YWHAE: variants seen among roughly 807,000 people sequenced by gnomAD.
YWHAE encodes 14-3-3 protein epsilon.
A neutral mutation model predicts 30.1 loss-of-function variants in YWHAE; 4 were observed. That is an observed-to-expected ratio of 0.13 (90% CI 0.07 to 0.30). The LOEUF is 0.30. YWHAE is among the 10% of genes least tolerant of loss of function. YWHAE has a pLI of 1.00. For synonymous variants in YWHAE, 118 were observed against 111.8 expected (o/e 1.06, Z -0.35); for missense variants, 121 against 315.9 (o/e 0.38, Z 4.68).
At position 1,379,762 on chromosome 17, in the gene YWHAE, T is replaced by C. The variant is rs563712996; in HGVS notation, c.65-14704A>G. Among the ~76,000 whole-genome samples the C allele has an allele frequency of 5.9e-5, 9 of 152,268 alleles. No individual in the cohort carries two copies. In the South Asian group the frequency reaches 1.2e-3, roughly 21 times the overall value. On this transcript the variant is annotated intron_variant, in intron 1 of 5. Coordinates refer to ENST00000264335, the MANE Select transcript of YWHAE (RefSeq NM_006761.5). ...AGGAAGGAGTACTTGAGGTAAACAG[T>C]TGGACAAGATTTAGGAAACACTCCT... is the stretch of plus-strand genomic sequence containing the variant.
intron 5 of YWHAE, among the ~76,000 whole-genome samples, chr17:1,346,202 G>A (rs184577946): frequency 5.8e-4 from 89 of 152,272 alleles, no homozygotes; most frequent in Middle Eastern, 3.4e-3. Context: ...ACTGCACTAT[G>A]ACATGCAACA....
chr17:1,356,455 A>G (rs2072744300), intron 4 of YWHAE, among the ~76,000 whole-genome samples: 1 of 152,218 alleles, frequency 6.6e-6, no homozygotes, highest in East Asian at 1.9e-4. Flanking sequence ...AATTTGAACT[A>G]ATCTCAATGG....
At chr17:1,376,369 ACAG>A (rs2073123536) in intron 1 of YWHAE, among the ~76,000 whole-genome samples, 1 of 150,904 alleles carries the variant, frequency 6.6e-6, no homozygotes, top group African/African-American at 2.4e-5. Context: ...AGACAGACAG[ACAG>A]ACAGAAAGAA....
At chr17:1,358,271 G>A (rs541797948) in intron 4 of YWHAE, among the ~76,000 whole-genome samples, 15 of 152,110 alleles carry the variant, frequency 9.9e-5, no homozygotes, top group South Asian at 4.1e-4. Flanking sequence ...ACGGAGTCTC[G>A]CTCTGTCGCC....
Position 1,344,937 on chromosome 17 carries a change from C to T in YWHAE, c.*510G>A, listed in dbSNP as rs1020113379. 2.1e-5 allele frequency: 5 copies of T among 233,546 alleles called. No individual in the cohort carries two copies. Among genetic ancestry groups the T allele is most frequent in the South Asian group, 1.8e-4 (1 of 5,536 alleles). 14.5% of individuals were successfully genotyped at this position (233,546 alleles called of 1,614,324 possible). On this transcript the variant is annotated 3_prime_UTR_variant, in exon 6 of 6. Transcript: ENST00000264335. ...ATTTTTTACAGCAAAACCATTACAA[C>T]GAAGTCCCTCCCCAAACCACCTTTA...
rs1267624916 is a variant in YWHAE at position 1,362,017 on chromosome 17, A to G, written c.265-9T>C. ...TTTAGCTCAGTCTCAACCTAAAAAA[A>G]AAAAAATTTTTTTTAAATCAGATTA... On this transcript the variant is annotated splice_polypyrimidine_tract_variant and intron_variant, in intron 2 of 5. Transcript: ENST00000264335. The G allele has an allele frequency of 1.3e-6, 2 of 1,536,924 alleles. No homozygotes were observed. The highest frequency in any genetic ancestry group is 1.4e-5 in the African/African-American group (1 of 70,896).
intron 4 of YWHAE, among the ~76,000 whole-genome samples, chr17:1,356,972 T>C (rs556252122): frequency 1.1e-4 from 15 of 140,212 alleles, no homozygotes; most frequent in African/African-American, 2.9e-4. Flanking sequence ...AAAAAACACA[T>C]ACAAAAACCA....
intron 5 of YWHAE, among the ~76,000 whole-genome samples, chr17:1,348,552 G>A (rs917289978): frequency 2.6e-5 from 4 of 152,140 alleles, no homozygotes; most frequent in African/African-American, 7.2e-5. Context: ...CTTTCATGAC[G>A]ATTCTCCTAT....
chr17:1,394,340 C>T (rs140550917), intron 1 of YWHAE, among the ~76,000 whole-genome samples: 1 of 146,208 alleles, frequency 6.8e-6, no homozygotes, highest in African/African-American at 2.5e-5. Flanking sequence ...AGGCCAGAAG[C>T]AGTGACTCAC....
chr17:1,360,049 G>A (rs1388349223), intron 4 of YWHAE, among the ~76,000 whole-genome samples: 1 of 151,920 alleles, frequency 6.6e-6, no homozygotes, highest in Non-Finnish European at 1.5e-5. Context: ...CGCAACCTCT[G>A]CCTCCTGGGT....
chr17:1,357,833 A>C (rs2072780808), intron 4 of YWHAE, among the ~76,000 whole-genome samples: 2 of 151,706 alleles, frequency 1.3e-5, no homozygotes, highest in South Asian at 4.2e-4. Flanking sequence ...AGGCTGAAGC[A>C]GGAGAATCGC....
intron 1 of YWHAE, among the ~76,000 whole-genome samples, chr17:1,384,490 G>C (rs1480327365): frequency 6.8e-6 from 1 of 147,986 alleles, no homozygotes; most frequent in Non-Finnish European, 1.5e-5. Context: ...AGGAGATCAA[G>C]ACCATCCTGG....
At chr17:1,387,796 G>C (rs1176696751) in intron 1 of YWHAE, among the ~76,000 whole-genome samples, 1 of 148,108 alleles carries the variant, frequency 6.8e-6, no homozygotes, top group Non-Finnish European at 1.5e-5. Flanking sequence ...CTAATTTTTT[G>C]TATATTTAGT....
At chr17:1,361,041 C>T (rs748215861) in intron 4 of YWHAE, 51 bp downstream of exon 4, 16 of 1,536,354 alleles carry the variant, frequency 1.0e-5, no homozygotes, top group Non-Finnish European at 1.2e-5. Context: ...ACCCAAACAG[C>T]GCCCCCCTTA....
chr17:1,375,872 A>T (rs1182933402), intron 1 of YWHAE, among the ~76,000 whole-genome samples: 1 of 152,196 alleles, frequency 6.6e-6, no homozygotes, highest in Non-Finnish European at 1.5e-5. Context: ...CAACAGACTA[A>T]TTCATAAATA....
At chr17:1,366,659 T>C (rs569346029) in intron 1 of YWHAE, among the ~76,000 whole-genome samples, 10 of 152,108 alleles carry the variant, frequency 6.6e-5, no homozygotes, top group East Asian at 5.8e-4. Context: ...CACTACTAAA[T>C]TGGACGGGCA....
At chr17:1,349,791 T>C (rs1197060117) in intron 5 of YWHAE, among the ~76,000 whole-genome samples, 1 of 151,902 alleles carries the variant, frequency 6.6e-6, no homozygotes. Flanking sequence ...TTTTTTTGTA[T>C]TTTTAGTAGA....
intron 2 of YWHAE, 189 bp downstream of exon 2, chr17:1,364,670 G>C (rs2072916930): frequency 1.5e-6 from 1 of 685,688 alleles, no homozygotes; most frequent in Non-Finnish European, 2.4e-6. Context: ...ACTATGTTTT[G>C]TCCTCATGCA....
At chr17:1,382,675 T>C (rs2073233109) in intron 1 of YWHAE, among the ~76,000 whole-genome samples, 1 of 152,104 alleles carries the variant, frequency 6.6e-6, no homozygotes, top group African/African-American at 2.4e-5. Context: ...TTTTCATTAT[T>C]TACTTGATAT....
Sources: allele counts gnomAD v4.1 joint callset (sites outside exome capture counted in the v4.1 genomes callset), GRCh38; gene constraint gnomAD v4.1.1; transcripts MANE v1.5; gene names NCBI Gene and HGNC (gene_info 2026-07-23, HGNC 2026-07-21).